SUFU: variants seen among roughly 807,000 people sequenced by gnomAD.
SUFU encodes the protein suppressor of fused homolog.
In SUFU, 7 loss-of-function variants were observed where a neutral mutation model predicts 58.9. The ratio of observed to expected loss-of-function variants is 0.12; its 90% confidence interval spans 0.07 to 0.22. The LOEUF is 0.22. SUFU is among the 10% of genes least tolerant of loss of function. The probability of loss-of-function intolerance (pLI) is 1.00; values close to 1 mark genes in which losing one functional copy is unlikely to be tolerated. For missense variants in SUFU, 451 were observed against 641.3 expected (o/e 0.70, Z 3.20); for synonymous variants, 232 against 254.8 (o/e 0.91, Z 0.85).
intron 3 of SUFU, among the ~76,000 whole-genome samples, chr10:102,567,006 CTTTTTTTTTTT>C (rs1175563323): frequency 3.1e-5 from 2 of 64,668 alleles, no homozygotes; most frequent in Non-Finnish European, 5.2e-5. Context: ...GAAACAGGCT[CTTTTTTTTTTT>C]TTTTTTTTTT....
intron 3 of SUFU, among the ~76,000 whole-genome samples, chr10:102,589,698 G>A (rs2063375723): frequency 6.6e-6 from 1 of 151,910 alleles, no homozygotes; most frequent in Non-Finnish European, 1.5e-5. Flanking sequence ...CACCTGCCTC[G>A]ACCTCCCAAA....
Position 102,565,583 on chromosome 10 carries a change from C to T in SUFU, c.454+15477C>T, listed in dbSNP as rs546494913. Among the ~76,000 whole-genome samples, 7 of 152,330 alleles carry T rather than the reference C, an allele frequency of 4.6e-5. No homozygotes were observed. In the South Asian group the frequency reaches 1.0e-3, roughly 23 times the overall value. On this transcript the variant is annotated intron_variant, in intron 3 of 11. Coordinates refer to ENST00000369902, the MANE Select transcript of SUFU (RefSeq NM_016169.4). ...TTTTTGAGACGGAGTCTCGCTCTGT[C>T]GCCCAGGCTGGAGTGCAGTGGCGCG...
chr10:102,553,706 G>A (rs1172551219), intron 3 of SUFU, among the ~76,000 whole-genome samples: 3 of 151,754 alleles, frequency 2.0e-5, no homozygotes, highest in Non-Finnish European at 2.9e-5. Context: ...CTCGTGATCC[G>A]CCCGCCTCAG....
At chr10:102,514,620 C>T (rs932714934) in intron 2 of SUFU, among the ~76,000 whole-genome samples, 2 of 152,202 alleles carry the variant, frequency 1.3e-5, no homozygotes, top group African/African-American at 4.8e-5. Flanking sequence ...GGGACTCTTC[C>T]CTGGGACTTG....
chr10:102,620,345 G>A (rs1338451663), intron 10 of SUFU, among the ~76,000 whole-genome samples: 1 of 152,168 alleles, frequency 6.6e-6, no homozygotes, highest in Non-Finnish European at 1.5e-5. Context: ...TTAGGAACCC[G>A]AGCCCCTTTC....
At chr10:102,566,814 G>A (rs1047601187) in intron 3 of SUFU, among the ~76,000 whole-genome samples, 1 of 145,248 alleles carries the variant, frequency 6.9e-6, no homozygotes, top group Non-Finnish European at 1.5e-5. Context: ...ATGGTGGTGG[G>A]CACCTGTATA....
chr10:102,600,634 G>A (rs980763333), intron 8 of SUFU, among the ~76,000 whole-genome samples: 1 of 152,158 alleles, frequency 6.6e-6, no homozygotes, highest in African/African-American at 2.4e-5. Context: ...GGGCATCTTG[G>A]AGGAGGAAGA....
At chr10:102,563,997 T>G (rs2063064532) in intron 3 of SUFU, among the ~76,000 whole-genome samples, 1 of 152,186 alleles carries the variant, frequency 6.6e-6, no homozygotes, top group Admixed American at 6.5e-5. Context: ...CTCTCCAGCC[T>G]AAGAAGGGGA....
rs190821703 is a variant in SUFU, at chr10:102,538,625, A to G, written c.318-11345A>G. On this transcript the variant is annotated intron_variant, in intron 2 of 11. Coordinates refer to ENST00000369902, the MANE Select transcript of SUFU (RefSeq NM_016169.4). ...CACACACCCTCTGCTTACCACACGCATGCATGCACACACACACATGTATGC... is the reference window on the plus strand; with the variant it reads ...CACACACCCTCTGCTTACCACACGCGTGCATGCACACACACACATGTATGC... 1.5e-3 allele frequency among the ~76,000 whole-genome samples: 222 copies of G among 152,152 alleles called. 1 individual carries two copies. Among genetic ancestry groups the G allele is most frequent in the Admixed American group, 3.5e-3 (54 of 15,268 alleles).
chr10:102,538,000 ATCT>A (rs2062761146), intron 2 of SUFU, among the ~76,000 whole-genome samples: 1 of 152,244 alleles, frequency 6.6e-6, no homozygotes, highest in African/African-American at 2.4e-5. Context: ...CAGCTGTATC[ATCT>A]TACATTTCCA....
intron 2 of SUFU, among the ~76,000 whole-genome samples, chr10:102,547,228 A>G (rs1324498338): frequency 6.6e-6 from 1 of 152,128 alleles, no homozygotes; most frequent in Non-Finnish European, 1.5e-5. Flanking sequence ...ATCTCCCTTT[A>G]CAGAGTTTTA....
At chr10:102,626,688 C>T (rs1365161955) in intron 10 of SUFU, among the ~76,000 whole-genome samples, 1 of 152,154 alleles carries the variant, frequency 6.6e-6, no homozygotes, top group Non-Finnish European at 1.5e-5. Context: ...GATGTACCTT[C>T]CAGGGCACTT....
At chr10:102,549,410 A>G (rs970234862) in intron 2 of SUFU, among the ~76,000 whole-genome samples, 2 of 152,190 alleles carry the variant, frequency 1.3e-5, no homozygotes, top group East Asian at 1.9e-4. Context: ...CACTATGACA[A>G]GAACACTGTG....
upstream of SUFU, among the ~76,000 whole-genome samples, chr10:102,503,240 T>A (rs1041999966): frequency 1.3e-5 from 2 of 152,210 alleles, no homozygotes; most frequent in African/African-American, 2.4e-5. Context: ...CAATTTAAAT[T>A]GCATAAAATT....
At chr10:102,536,597 C>T (rs992419517) in intron 2 of SUFU, among the ~76,000 whole-genome samples, 9 of 147,846 alleles carry the variant, frequency 6.1e-5, no homozygotes, top group Admixed American at 6.1e-4. Context: ...CTCTTGACCT[C>T]GTGATCCACC....
chr10:102,526,900 T>C (rs2062614391), intron 2 of SUFU, among the ~76,000 whole-genome samples: 1 of 152,004 alleles, frequency 6.6e-6, no homozygotes, highest in South Asian at 2.1e-4. Context: ...CATCTGAGGC[T>C]TGGTAAGAGA....
chr10:102,551,560 C>T (rs904399978), intron 3 of SUFU, among the ~76,000 whole-genome samples: 3 of 151,314 alleles, frequency 2.0e-5, no homozygotes, highest in African/African-American at 4.9e-5. Flanking sequence ...ATCGCTTGAA[C>T]GCGGGAGGCA....
intron 2 of SUFU, among the ~76,000 whole-genome samples, chr10:102,547,436 C>A (rs2062865745): frequency 6.6e-6 from 1 of 152,232 alleles, no homozygotes; most frequent in Non-Finnish European, 1.5e-5. Context: ...CTGGCCTGGT[C>A]TCCAAAATTC....
intron 3 of SUFU, among the ~76,000 whole-genome samples, chr10:102,557,452 G>T (rs1460254556): frequency 6.6e-6 from 1 of 151,948 alleles, no homozygotes; most frequent in Non-Finnish European, 1.5e-5. Flanking sequence ...AATTAGCTAG[G>T]CATGGTGGCA....
Sources: allele counts gnomAD v4.1 joint callset (sites outside exome capture counted in the v4.1 genomes callset), GRCh38; gene constraint gnomAD v4.1.1; transcripts MANE v1.5; gene names NCBI Gene and HGNC (gene_info 2026-07-23, HGNC 2026-07-21).